RNF123: variants seen among roughly 807,000 people sequenced by gnomAD.
RNF123 encodes E3 ubiquitin-protein ligase RNF123.
In RNF123, 86 loss-of-function variants were observed where a neutral mutation model predicts 168.5. That is an observed-to-expected ratio of 0.51 (90% CI 0.43 to 0.61). The LOEUF is 0.61. Ranked by LOEUF, RNF123 falls within the 20% of genes least tolerant of loss-of-function variation. The probability of loss-of-function intolerance (pLI) is 0.00; values close to 1 mark genes in which losing one functional copy is unlikely to be tolerated. For synonymous variants in RNF123, 666 were observed against 689.1 expected (o/e 0.97, Z 0.52); for missense variants, 1,419 against 1,729.7 (o/e 0.82, Z 3.19).
At position 49,695,440 on chromosome 3, in the gene RNF123, A is replaced by G. The variant is rs867519291; in HGVS notation, c.168-1703A>G. On this transcript the variant is annotated intron_variant, in intron 3 of 38. Coordinates refer to ENST00000327697, the MANE Select transcript of RNF123 (RefSeq NM_022064.5). ...GGAAGGCTCCTTTATCCTTGGGCCC[A>G]CTGGGGTATTCAGAGATGGGGTTGG... Among the ~76,000 whole-genome samples, 5 of 152,186 alleles carry G rather than the reference A, an allele frequency of 3.3e-5. No homozygotes were observed. In the South Asian group the frequency reaches 1.0e-3, roughly 31 times the overall value.
At chr3:49,696,642 CTTTTT>C (rs35074575) in intron 3 of RNF123, among the ~76,000 whole-genome samples, 2 of 117,962 alleles carry the variant, frequency 1.7e-5, no homozygotes, top group African/African-American at 6.5e-5. Context: ...TGGCCACATA[CTTTTT>C]TTTTTTTTTT....
At chr3:49,703,897 C>G (rs1048583654) in intron 21 of RNF123, among the ~76,000 whole-genome samples, 2 of 152,202 alleles carry the variant, frequency 1.3e-5, no homozygotes, top group Admixed American at 6.5e-5. Context: ...TCTGTGCTGT[C>G]AGAACCTCTC....
Position 49,714,070 on chromosome 3 carries a change from A to G in RNF123, c.2926-20A>G, listed in dbSNP as rs1035619049. 4.3e-6 allele frequency: 7 copies of G among 1,613,996 alleles called. No individual in the cohort carries two copies. The East Asian group carries it at 1.6e-4, about 36-fold the overall frequency. On this transcript the variant is annotated intron_variant, in intron 30 of 38. Coordinates refer to ENST00000327697, the MANE Select transcript of RNF123 (RefSeq NM_022064.5). ...GGTGCGCTGTCCCATTGACCTGGGCACTGACCCCCACCTCCACAGGGCTGT... is the reference window on the plus strand; with the variant it reads ...GGTGCGCTGTCCCATTGACCTGGGCGCTGACCCCCACCTCCACAGGGCTGT...
chr3:49,709,428 G>C (rs2080099531), intron 26 of RNF123, among the ~76,000 whole-genome samples: 1 of 152,018 alleles, frequency 6.6e-6, no homozygotes, highest in Non-Finnish European at 1.5e-5. Flanking sequence ...AGCCTCCCGA[G>C]TAGCTGGGAC....
intron 26 of RNF123, among the ~76,000 whole-genome samples, chr3:49,707,213 C>A (rs1237047099): frequency 6.6e-6 from 1 of 151,238 alleles, no homozygotes; most frequent in Non-Finnish European, 1.5e-5. Context: ...CCCAGTGCAT[C>A]AGGGGCTCTG....
Position 49,720,653 on chromosome 3 carries a change from T to G in RNF123, c.3643T>G (p.Tyr1215Asp). The G allele has an allele frequency of 6.3e-7, 1 of 1,597,982 alleles. No homozygotes were observed. Among genetic ancestry groups the G allele is most frequent in the Non-Finnish European group, 8.6e-7 (1 of 1,168,614 alleles). ...PDRKRFSLQSYADYISADELA... is the reference protein window; with the variant it reads ...PDRKRFSLQSDADYISADELA... ...CCGGAAGCGCTTCTCCCTGCAGAGC[T>G]GTGAGTGGGCTGGTGGGGCAGGTCA... The change falls in exon 36 of 39, where the codon TAT becomes GAT. Residue 1215 changes from tyrosine to aspartate, a missense_variant and splice_region_variant. Tyr to Asp is a radical substitution (Grantham distance 160). Around this residue, in one of 5 missense-constraint regions of RNF123, gnomAD observed 164 missense variants for 152.3 expected, o/e 1.08. Coordinates refer to ENST00000327697, the MANE Select transcript of RNF123 (RefSeq NM_022064.5).
chr3:49,704,857 AG>A (rs1241086388), intron 22 of RNF123, 101 bp downstream of exon 22: 1 of 1,391,636 alleles, frequency 7.2e-7, no homozygotes. Context: ...ATGCAGGCAA[AG>A]GGTTTCTCAC....
intron 3 of RNF123, among the ~76,000 whole-genome samples, chr3:49,696,771 C>T (rs140746667): frequency 0.042 from 6,440 of 151,838 alleles, 211 homozygotes; most frequent in Non-Finnish European, 0.058. Flanking sequence ...CTCTGTCTCC[C>T]GAGTAGCTGG....
chr3:49,698,675 G>C, intron 8 of RNF123, 80 bp from the exon 9 acceptor site: 1 of 1,569,818 alleles, frequency 6.4e-7, no homozygotes, highest in South Asian at 1.1e-5. Flanking sequence ...CCCTTGGGTG[G>C]TTCTGGAAAC....
Position 49,699,867 on chromosome 3 carries a change from A to T in RNF123, c.984+95A>T. On this transcript the variant is annotated intron_variant, in intron 12 of 38. Coordinates refer to ENST00000327697, the MANE Select transcript of RNF123 (RefSeq NM_022064.5). This position sits in a 1 kb window ranked among gnomAD's most constrained non-coding sequence, Gnocchi z 4.8. ...GCCCTCACTGAGGGCTGCAGTGCTGAGGTCCCACAGCATCACCTGGCGAGG... is the reference window on the plus strand; with the variant it reads ...GCCCTCACTGAGGGCTGCAGTGCTGTGGTCCCACAGCATCACCTGGCGAGG... 1 of 1,260,478 alleles carries T rather than the reference A, an allele frequency of 7.9e-7. No homozygotes were observed. The highest frequency in any genetic ancestry group is 1.5e-5 in the African/African-American group (1 of 68,024). The allele number at this position is 1,260,478 out of a possible 1,614,324, so 78.1% of individuals were successfully genotyped here. A position where few individuals can be genotyped will look rare whatever the true frequency, so the allele number is the denominator to read the frequency against.
At chr3:49,704,818 G>A (rs946025301) in intron 22 of RNF123, 62 bp downstream of exon 22, 2 of 1,476,286 alleles carry the variant, frequency 1.4e-6, no homozygotes, top group Non-Finnish European at 1.8e-6. Flanking sequence ...TTATGGGCAG[G>A]GGTCTCATCC....
chr3:49,712,381 C>T (rs2080159541), intron 26 of RNF123, 98 bp from the exon 27 acceptor site: 23 of 1,151,558 alleles, frequency 2.0e-5, no homozygotes, highest in Admixed American at 4.1e-5. Context: ...GTTGTGCTGT[C>T]GTAGGCCTGG....
chr3:49,719,111 T>A, intron 35 of RNF123: 1 of 1,613,542 alleles, frequency 6.2e-7, no homozygotes, highest in Non-Finnish European at 8.5e-7. Flanking sequence ...CGCAACGTGT[T>A]AGATGATAGA....
chr3:49,705,273 C>G, intron 23 of RNF123, 91 bp downstream of exon 23: 1 of 1,426,982 alleles, frequency 7.0e-7, no homozygotes. Context: ...ACACCCCATG[C>G]CCTCCCAGCC....
intron 27 of RNF123, chr3:49,713,053 G>A: frequency 1.6e-6 from 1 of 642,508 alleles, no homozygotes; most frequent in Non-Finnish European, 2.8e-6. Flanking sequence ...TCACAGCAGG[G>A]GGTGGACCCT....
intron 35 of RNF123, chr3:49,718,921 G>C: frequency 1.2e-6 from 2 of 1,613,758 alleles, no homozygotes; most frequent in African/African-American, 1.3e-5. Flanking sequence ...CAGGTGGGTG[G>C]CGCTCAGACC....
intron 3 of RNF123, among the ~76,000 whole-genome samples, chr3:49,696,638 C>T (rs1286159055): frequency 7.9e-6 from 1 of 126,638 alleles, no homozygotes; most frequent in African/African-American, 2.9e-5. Flanking sequence ...CACCTGGCCA[C>T]ATACTTTTTT....
chr3:49,711,036 C>T (rs913230182), intron 26 of RNF123, among the ~76,000 whole-genome samples: 4 of 152,122 alleles, frequency 2.6e-5, no homozygotes, highest in African/African-American at 9.7e-5. Flanking sequence ...AGTTCATGAC[C>T]AGCCTGGGCA....
Position 49,720,792 on chromosome 3 carries a change from C to T in RNF123, c.3644-8C>T, listed in dbSNP as rs1363161542. 1.9e-6 allele frequency: 3 copies of T among 1,614,144 alleles called. No homozygotes were observed. The highest frequency in any genetic ancestry group is 8.5e-7 in the Non-Finnish European group (1 of 1,179,970). The stretch of plus-strand genomic sequence containing the variant: ...ACCTCTGACTTGACACTACCTACCA[C>T]TCCCCAGATGCGGATTATATCAGTG... On this transcript the variant is annotated splice_polypyrimidine_tract_variant and splice_region_variant and intron_variant, in intron 36 of 38. Transcript: ENST00000327697.
Sources: gnomAD v4.1 joint callset for allele counts (sites outside exome capture counted in the v4.1 genomes callset) on GRCh38, gnomAD v4.1.1 for gene constraint, gnomAD v4.1.1 regional missense constraint, Gnocchi (gnomAD v3.1) non-coding constraint, MANE v1.5 for transcripts, NCBI Gene and HGNC (gene_info 2026-07-23, HGNC 2026-07-21) for gene names.